ABCC1: variants seen among roughly 807,000 people sequenced by gnomAD.
ABCC1 encodes ATP binding cassette subfamily C member 1 (ABCC1 blood group).
ABCC1 carries 83 observed loss-of-function variants against 172.9 expected under a neutral mutation model. That is an observed-to-expected ratio of 0.48 (90% CI 0.40 to 0.58). The LOEUF (loss-of-function observed/expected upper bound fraction) is 0.58, where lower values mean the gene tolerates loss of function less well. Among genes scored for constraint, ABCC1 ranks in the 20% least tolerant of loss-of-function variants. The probability of loss-of-function intolerance (pLI) is 0.00; values close to 1 mark genes in which losing one functional copy is unlikely to be tolerated. For synonymous variants in ABCC1, 937 were observed against 825.2 expected (o/e 1.14, Z -2.32); for missense variants, 1,817 against 2,002.7 (o/e 0.91, Z 1.77).
At chr16:15,993,834 T>C (rs2046960240) in intron 1 of ABCC1, among the ~76,000 whole-genome samples, 1 of 152,170 alleles carries the variant, frequency 6.6e-6, no homozygotes, top group African/African-American at 2.4e-5. Flanking sequence ...GAGATGAATT[T>C]GGAATCTGTG....
chr16:16,043,243 T>TTTTTTTTTC (rs1021835519), intron 7 of ABCC1, among the ~76,000 whole-genome samples: 3 of 140,790 alleles, frequency 2.1e-5, no homozygotes, highest in Non-Finnish European at 3.1e-5. Context: ...TTTTTTTTTT[T>TTTTTTTTTC]CCACTGATGT....
At chr16:16,040,196 A>C (rs925508483) in intron 7 of ABCC1, among the ~76,000 whole-genome samples, 2 of 152,100 alleles carry the variant, frequency 1.3e-5, no homozygotes, top group African/African-American at 4.8e-5. Flanking sequence ...TCCGGGCTCA[A>C]GCAGTCCTCC....
At chr16:16,108,958 A>G (rs909290682) in intron 21 of ABCC1, among the ~76,000 whole-genome samples, 2 of 151,878 alleles carry the variant, frequency 1.3e-5, no homozygotes, top group African/African-American at 2.4e-5. Context: ...AGGTTCCTGA[A>G]CGCTGCAGGC....
At chr16:16,024,175 C>T (rs572227312) in intron 5 of ABCC1, among the ~76,000 whole-genome samples, 3 of 152,144 alleles carry the variant, frequency 2.0e-5, no homozygotes, top group South Asian at 2.1e-4. Context: ...GCCGAGATCG[C>T]GCCACTGTAC....
intron 1 of ABCC1, among the ~76,000 whole-genome samples, chr16:15,978,668 G>C (rs751142726): frequency 6.6e-6 from 1 of 152,132 alleles, no homozygotes; most frequent in Non-Finnish European, 1.5e-5. Context: ...AAATGAATGG[G>C]TGGGCCGGTG....
chr16:16,011,255 AG>A (rs1319973207), intron 3 of ABCC1, among the ~76,000 whole-genome samples: 1 of 151,542 alleles, frequency 6.6e-6, no homozygotes, highest in East Asian at 1.9e-4. Flanking sequence ...GAAAAAAAAA[AG>A]GAGAGAACAA....
chr16:15,998,659 G>A (rs867312686), intron 1 of ABCC1, among the ~76,000 whole-genome samples: 42 of 152,216 alleles, frequency 2.8e-4, no homozygotes, highest in Admixed American at 9.2e-4. Flanking sequence ...CAGGAAGCTA[G>A]CCTGTGCTCT....
rs375661123 is a variant in ABCC1, at chr16:16,122,179, G to T, written c.3590+5G>T. The T allele has an allele frequency of 6.2e-7, 1 of 1,614,018 alleles. No homozygotes were observed. The highest frequency in any genetic ancestry group is 1.3e-5 in the African/African-American group (1 of 75,044). ...CCCCAGCATCGTGGCCAACAGGTGG[G>T]CATGGTGGGCCTGCAGGAGCGGGTG... On this transcript the variant is annotated splice_donor_5th_base_variant and intron_variant, in intron 24 of 30. Transcript: ENST00000399410.
intron 4 of ABCC1, among the ~76,000 whole-genome samples, chr16:16,015,227 C>T (rs891089680): frequency 1.3e-5 from 2 of 150,826 alleles, no homozygotes; most frequent in African/African-American, 4.9e-5. Flanking sequence ...GTAACTTCTA[C>T]CTCCTATGTT....
chr16:16,011,187 C>T (rs551648935), intron 3 of ABCC1, among the ~76,000 whole-genome samples: 5 of 151,882 alleles, frequency 3.3e-5, no homozygotes, highest in Middle Eastern at 3.4e-3. Context: ...AAGCCGAGAT[C>T]GCACCACTGT....
At chr16:16,071,260 ATTTT>A (rs55691800) in intron 13 of ABCC1, among the ~76,000 whole-genome samples, 1 of 130,630 alleles carries the variant, frequency 7.7e-6, no homozygotes, top group Admixed American at 7.9e-5. Flanking sequence ...AATTTTATGT[ATTTT>A]TTTTTTTTTT....
chr16:16,120,415 A>G (rs2045099314), intron 23 of ABCC1, among the ~76,000 whole-genome samples: 1 of 152,196 alleles, frequency 6.6e-6, no homozygotes, highest in Admixed American at 6.6e-5. Flanking sequence ...AGCTTGCAGA[A>G]GGTGGTTGGC....
chr16:15,956,870 T>G (rs887832828), intron 1 of ABCC1, among the ~76,000 whole-genome samples: 3 of 152,086 alleles, frequency 2.0e-5, no homozygotes, highest in Non-Finnish European at 2.9e-5. Context: ...AAGCATAATC[T>G]GAGTATAAGT....
At chr16:16,060,836 GAGA>G (rs2049878070) in intron 12 of ABCC1, among the ~76,000 whole-genome samples, 1 of 150,552 alleles carries the variant, frequency 6.6e-6, no homozygotes, top group African/African-American at 2.4e-5. Flanking sequence ...CTTTTTTTTT[GAGA>G]AGGAGTCTTG....
intron 1 of ABCC1, among the ~76,000 whole-genome samples, chr16:15,974,675 C>T (rs184038180): frequency 2.0e-5 from 3 of 152,250 alleles, no homozygotes; most frequent in African/African-American, 7.2e-5. Flanking sequence ...ATGTAGCCAG[C>T]AGTGTTTACA....
intron 19 of ABCC1, among the ~76,000 whole-genome samples, chr16:16,100,280 C>T (rs1206242307): frequency 6.6e-6 from 1 of 152,132 alleles, no homozygotes; most frequent in African/African-American, 2.4e-5. Context: ...TCCCAGCTGA[C>T]CATGGTGGCT....
At chr16:16,081,377 T>C (rs577985167) in intron 16 of ABCC1, among the ~76,000 whole-genome samples, 27 of 152,216 alleles carry the variant, frequency 1.8e-4, no homozygotes, top group Non-Finnish European at 3.2e-4. Context: ...CAAATCCCGA[T>C]GGGATCCACA....
chr16:15,953,072 A>G (rs7198932), intron 1 of ABCC1, among the ~76,000 whole-genome samples: 7,582 of 151,840 alleles, frequency 0.05, 594 homozygotes, highest in African/African-American at 0.17. Flanking sequence ...GTAGTAGATC[A>G]TGCCTGTAAT....
intron 24 of ABCC1, among the ~76,000 whole-genome samples, chr16:16,124,360 T>C (rs2045325781): frequency 1.7e-5 from 2 of 115,178 alleles, no homozygotes; most frequent in African/African-American, 3.4e-5. Flanking sequence ...ATTATAGGAG[T>C]GACCCACTAC....
Sources: gnomAD v4.1 joint callset for allele counts (sites outside exome capture counted in the v4.1 genomes callset) on GRCh38, gnomAD v4.1.1 for gene constraint, MANE v1.5 for transcripts, NCBI Gene and HGNC (gene_info 2026-07-23, HGNC 2026-07-21) for gene names.